Variants in PRKN observed in about 807,000 individuals in gnomAD.
PRKN encodes parkin RBR E3 ubiquitin protein ligase, also known as E3 ubiquitin-protein ligase parkin.
Under a neutral mutation model 59.5 loss-of-function variants are expected in PRKN, and 56 were observed. The observed-to-expected ratio is 0.94, with a 90% CI of 0.76 to 1.18. PRKN has a LOEUF of 1.18. Ranked by LOEUF, PRKN falls within the 50% of genes most tolerant of loss-of-function variation. The pLI is 0.00. For synonymous variants in PRKN, 250 were observed against 222.1 expected, an observed-to-expected ratio of 1.13 and a Z score of -1.12; for missense variants, 657 against 596.4, an observed-to-expected ratio of 1.10 and a Z score of -1.06.
At chr6:162,092,262 G>T (rs1779528103) in intron 4 of PRKN, among the ~76,000 whole-genome samples, 1 of 152,170 alleles carries the variant, frequency 6.6e-6, no homozygotes, top group Non-Finnish European at 1.5e-5. Flanking sequence ...GGCTGAGGCA[G>T]GAGAATCACT....
chr6:162,397,207 A>G (rs1278593488), intron 2 of PRKN, among the ~76,000 whole-genome samples: 1 of 152,190 alleles, frequency 6.6e-6, no homozygotes, highest in East Asian at 1.9e-4. Context: ...AATTTGCTTA[A>G]TTATTGTTAA....
At chr6:161,586,825 C>T (rs1562543023) in intron 7 of PRKN, among the ~76,000 whole-genome samples, 1 of 152,142 alleles carries the variant, frequency 6.6e-6, no homozygotes, top group Non-Finnish European at 1.5e-5. Context: ...AACAGTTGGC[C>T]ATTCTGCAAA....
intron 7 of PRKN, among the ~76,000 whole-genome samples, chr6:161,726,714 T>C (rs1193125598): frequency 6.6e-6 from 1 of 152,050 alleles, no homozygotes; most frequent in Non-Finnish European, 1.5e-5. Flanking sequence ...AAAACAAAGA[T>C]AATGATAATA....
chr6:162,173,534 CTT>C (rs5741635), intron 4 of PRKN, among the ~76,000 whole-genome samples: 120,130 of 146,444 alleles, frequency 0.82, 51,022 homozygotes, highest in Non-Finnish European at 0.95. Context: ...TTTGATGCAG[CTT>C]TTTTTTTTTT....
chr6:162,012,581 C>T (rs978749994), intron 5 of PRKN, among the ~76,000 whole-genome samples: 4 of 152,100 alleles, frequency 2.6e-5, no homozygotes, highest in Non-Finnish European at 5.9e-5. Context: ...TTACACAATA[C>T]TTTTCTCAAA....
chr6:162,181,030 G>T (rs569643843), intron 4 of PRKN, among the ~76,000 whole-genome samples: 9 of 152,308 alleles, frequency 5.9e-5, no homozygotes, highest in South Asian at 4.1e-4. Context: ...TGCAACATTT[G>T]TAAGCTTATT....
At chr6:161,937,436 C>T (rs1779399927) in intron 6 of PRKN, among the ~76,000 whole-genome samples, 1 of 152,188 alleles carries the variant, frequency 6.6e-6, no homozygotes, top group South Asian at 2.1e-4. Context: ...GCTTTTAAGT[C>T]TTTATCATCT....
At position 162,599,778 on chromosome 6, in the gene PRKN, T is replaced by C. The variant is rs1487955828; in HGVS notation, c.7+127884A>G. Among the ~76,000 whole-genome samples the C allele has an allele frequency of 3.9e-5, 6 of 152,180 alleles. 1 individual carries two copies. Among genetic ancestry groups the C allele is most frequent in the Non-Finnish European group, 2.9e-5 (2 of 68,032 alleles). ...CGCTCACTGTTTTATGCTTGATGCC[T>C]AATTTCAACCATCAACAACAATAGT... On this transcript the variant is annotated intron_variant, in intron 1 of 11. Transcript: ENST00000366898.
In PRKN at chr6:162,000,713, A is replaced by C. The variant is rs183130039; in HGVS notation, c.619-27296T>G. 5.6e-3 allele frequency among the ~76,000 whole-genome samples: 847 copies of C among 152,080 alleles called. 3 individuals are homozygous for C. The highest frequency in any genetic ancestry group is 0.014 in the Admixed American group (209 of 15,256). On this transcript the variant is annotated intron_variant, in intron 5 of 11. Transcript: ENST00000366898. ...ATTATGCACTTGGTATCGTATCTAAAAAGTTATTACTATACCTAAGGTCAT... is the reference window on the plus strand; with the variant it reads ...ATTATGCACTTGGTATCGTATCTAACAAGTTATTACTATACCTAAGGTCAT...
intron 7 of PRKN, among the ~76,000 whole-genome samples, chr6:161,783,912 A>C (rs1246839867): frequency 6.6e-6 from 1 of 152,230 alleles, no homozygotes; most frequent in African/African-American, 2.4e-5. Context: ...AAGTCAACAA[A>C]GAAATTAATT....
chr6:162,061,386 T>C (rs1444847731), intron 4 of PRKN, among the ~76,000 whole-genome samples: 1 of 152,122 alleles, frequency 6.6e-6, no homozygotes, highest in African/African-American at 2.4e-5. Flanking sequence ...CTGAAGAGGG[T>C]TATTTTTGGT....
In PRKN at chr6:161,575,936, A is replaced by G. The variant is rs971144943; in HGVS notation, c.872-6520T>C. Among the ~76,000 whole-genome samples, 4 of 152,346 alleles carry G rather than the reference A, an allele frequency of 2.6e-5. No homozygotes were observed. Among genetic ancestry groups the G allele is most frequent in the Admixed American group, 1.3e-4 (2 of 15,312 alleles). Reference sequence around the variant, plus strand: ...CAATGTGATCGAAGACAATGCAGCGAGACTGAACACTGACCTCTGAGCACA... The same window carrying G: ...CAATGTGATCGAAGACAATGCAGCGGGACTGAACACTGACCTCTGAGCACA... On this transcript the variant is annotated intron_variant, in intron 7 of 11. Transcript: ENST00000366898. This position sits in a 1 kb window ranked among gnomAD's most constrained non-coding sequence, Gnocchi z 4.6.
At chr6:162,580,399 A>G (rs1381939995) in intron 1 of PRKN, among the ~76,000 whole-genome samples, 1 of 151,316 alleles carries the variant, frequency 6.6e-6, no homozygotes, top group East Asian at 1.9e-4. Context: ...TGATTGCACC[A>G]CTGCACTCCA....
At chr6:161,833,824 C>CA (rs756635156) in intron 6 of PRKN, among the ~76,000 whole-genome samples, 3 of 152,158 alleles carry the variant, frequency 2.0e-5, no homozygotes, top group Non-Finnish European at 2.9e-5. Context: ...GTTCCTATCC[C>CA]ATGGGTCCTG....
intron 6 of PRKN, among the ~76,000 whole-genome samples, chr6:161,903,423 G>A (rs1778011737): frequency 6.6e-6 from 1 of 152,174 alleles, no homozygotes; most frequent in Non-Finnish European, 1.5e-5. Context: ...CTTGACCAAG[G>A]AGACAGAAGT....
chr6:161,933,034 C>A (rs1779223862), intron 6 of PRKN, among the ~76,000 whole-genome samples: 1 of 152,176 alleles, frequency 6.6e-6, no homozygotes. Context: ...AATCCCGTCA[C>A]TTTGGGAGGC....
chr6:162,213,572 A>AC (rs1286110822), intron 3 of PRKN, among the ~76,000 whole-genome samples: 1 of 151,886 alleles, frequency 6.6e-6, no homozygotes, highest in East Asian at 1.9e-4. Context: ...CAAAAAATAA[A>AC]CAAAAAAATA....
Position 161,680,322 on chromosome 6 carries a change from C to T in PRKN, c.871+105450G>A, listed in dbSNP as rs75249315. 2.4e-3 allele frequency among the ~76,000 whole-genome samples: 369 copies of T among 152,156 alleles called. 2 individuals carry two copies. In the East Asian group the frequency reaches 0.03, roughly 12 times the overall value. ...TTTCCAATTGCTAGCTAGGTTAACACGCCTTAATAAACAAATAAATATCTC... is the reference window on the plus strand; with the variant it reads ...TTTCCAATTGCTAGCTAGGTTAACATGCCTTAATAAACAAATAAATATCTC... On this transcript the variant is annotated intron_variant, in intron 7 of 11. Transcript: ENST00000366898.
chr6:162,139,911 A>G (rs1781707633), intron 4 of PRKN, among the ~76,000 whole-genome samples: 1 of 151,864 alleles, frequency 6.6e-6, no homozygotes, highest in Middle Eastern at 3.4e-3. Flanking sequence ...AAAAATTATG[A>G]ACCTGCCAGG....
Sources: allele counts gnomAD v4.1 joint callset (sites outside exome capture counted in the v4.1 genomes callset), GRCh38; gene constraint gnomAD v4.1.1; non-coding constraint Gnocchi (gnomAD v3.1); transcripts MANE v1.5; gene names NCBI Gene and HGNC (gene_info 2026-07-23, HGNC 2026-07-21).